Variants in RPS6KC1 observed in about 807,000 individuals in gnomAD.
The protein encoded by RPS6KC1 is inactive ribosomal protein S6 kinase delta-1.
RPS6KC1 carries 54 observed loss-of-function variants against 103.8 expected under a neutral mutation model. The ratio of observed to expected loss-of-function variants is 0.52; its 90% CI spans 0.42 to 0.65. The LOEUF (loss-of-function observed/expected upper bound fraction) is 0.65, where lower values mean the gene tolerates loss of function less well. Among genes scored for constraint, RPS6KC1 ranks in the 30% least tolerant of loss-of-function variants. The pLI, the probability that RPS6KC1 is intolerant of heterozygous loss-of-function variation, is 0.00. For missense variants in RPS6KC1, 1,151 were observed against 1,253.8 expected (o/e 0.92, Z 1.24); for synonymous variants, 439 against 438.7 (o/e 1.00, Z -0.01).
chr1:213,666,549 T>G, the RPS6KC1 span, among the ~76,000 whole-genome samples: 1 of 152,258 alleles, frequency 6.6e-6, no homozygotes, highest in Admixed American at 6.5e-5. Context: ...AATGTTTACT[T>G]ATCTAATTAT....
intron 8 of RPS6KC1, among the ~76,000 whole-genome samples, chr1:213,216,099 C>T (rs1414509612): frequency 6.6e-6 from 1 of 152,148 alleles, no homozygotes; most frequent in Non-Finnish European, 1.5e-5. Flanking sequence ...GATAAAGAGT[C>T]AAGACCCATC....
chr1:213,788,143 C>G, the RPS6KC1 span, among the ~76,000 whole-genome samples: 1 of 152,100 alleles, frequency 6.6e-6, no homozygotes, highest in Non-Finnish European at 1.5e-5. Context: ...GACTTAACAG[C>G]ACATTGGGGG....
chr1:213,453,253 T>C, the RPS6KC1 span, among the ~76,000 whole-genome samples: 5 of 152,178 alleles, frequency 3.3e-5, no homozygotes, highest in Non-Finnish European at 7.3e-5. Flanking sequence ...TCAGGCACTA[T>C]GCTAGGGACT....
the RPS6KC1 span, among the ~76,000 whole-genome samples, chr1:213,725,567 C>T: frequency 6.6e-6 from 1 of 152,174 alleles, no homozygotes; most frequent in Non-Finnish European, 1.5e-5. Context: ...GCTTCAACCA[C>T]AGAAATCCAG....
At chr1:213,162,579 G>A (rs938126042) in intron 6 of RPS6KC1, among the ~76,000 whole-genome samples, 8 of 152,102 alleles carry the variant, frequency 5.3e-5, no homozygotes, top group African/African-American at 1.7e-4. Flanking sequence ...CACCATACTT[G>A]GCCAGCAATG....
At chr1:213,376,716 T>G in the RPS6KC1 span, among the ~76,000 whole-genome samples, 1 of 152,144 alleles carries the variant, frequency 6.6e-6, no homozygotes, top group South Asian at 2.1e-4. Context: ...CCCCTGGGGC[T>G]CCAGGTTTGC....
the RPS6KC1 span, among the ~76,000 whole-genome samples, chr1:213,376,084 C>CTG: frequency 0.077 from 10,781 of 140,182 alleles, 405 homozygotes; most frequent in East Asian, 0.093. Context: ...CTCGTGACAA[C>CTG]TGTGTGTGTG....
the RPS6KC1 span, among the ~76,000 whole-genome samples, chr1:213,414,490 T>C: frequency 6.6e-6 from 1 of 151,934 alleles, no homozygotes; most frequent in Non-Finnish European, 1.5e-5. Flanking sequence ...GAGGCAGAGA[T>C]TGGGGTGATG....
chr1:213,082,191 C>T (rs1040439274), intron 3 of RPS6KC1, among the ~76,000 whole-genome samples: 3 of 151,810 alleles, frequency 2.0e-5, no homozygotes, highest in Admixed American at 2.0e-4. Flanking sequence ...GAGGCGTAGT[C>T]GGGCAGATCA....
At chr1:213,600,808 C>G in the RPS6KC1 span, among the ~76,000 whole-genome samples, 1 of 152,196 alleles carries the variant, frequency 6.6e-6, no homozygotes, top group African/African-American at 2.4e-5. Flanking sequence ...ATGCAATAGT[C>G]TCAAATGTAA....
the RPS6KC1 span, among the ~76,000 whole-genome samples, chr1:213,858,698 T>C: frequency 6.6e-6 from 1 of 152,200 alleles, no homozygotes; most frequent in South Asian, 2.1e-4. Flanking sequence ...ACTATGGCAT[T>C]TGGCAGTGGC....
At chr1:213,646,882 C>CATATATATATAT in the RPS6KC1 span, among the ~76,000 whole-genome samples, 164 of 147,134 alleles carry the variant, frequency 1.1e-3, no homozygotes, top group African/African-American at 2.0e-3. Context: ...TGTGTGTATG[C>CATATATATATAT]ATATATATAT....
At chr1:213,595,553 A>G in the RPS6KC1 span, among the ~76,000 whole-genome samples, 1 of 152,168 alleles carries the variant, frequency 6.6e-6, no homozygotes, top group Non-Finnish European at 1.5e-5. Flanking sequence ...CCCCTTCCTG[A>G]CCACGGATGG....
At chr1:213,569,941 T>C in the RPS6KC1 span, among the ~76,000 whole-genome samples, 5 of 152,196 alleles carry the variant, frequency 3.3e-5, no homozygotes, top group Non-Finnish European at 5.9e-5. Flanking sequence ...TTAATTGAAG[T>C]CATTGTGCTC....
intron 1 of RPS6KC1, among the ~76,000 whole-genome samples, chr1:213,051,933 G>A (rs2076982364): frequency 6.6e-6 from 1 of 152,136 alleles, no homozygotes; most frequent in African/African-American, 2.4e-5. Context: ...CCTTTATCAG[G>A]TTTGCTGTGA....
At chr1:213,394,046 G>A in the RPS6KC1 span, among the ~76,000 whole-genome samples, 1 of 152,158 alleles carries the variant, frequency 6.6e-6, no homozygotes, top group Non-Finnish European at 1.5e-5. Flanking sequence ...CCGTGGACAG[G>A]TTGGCTGTGA....
chr1:213,545,125 G>A, the RPS6KC1 span, among the ~76,000 whole-genome samples: 1 of 152,096 alleles, frequency 6.6e-6, no homozygotes, highest in Non-Finnish European at 1.5e-5. Flanking sequence ...CAGCACTTTG[G>A]GAGACTGAGG....
At chr1:213,705,362 C>T in the RPS6KC1 span, among the ~76,000 whole-genome samples, 1 of 152,232 alleles carries the variant, frequency 6.6e-6, no homozygotes, top group Non-Finnish European at 1.5e-5. Flanking sequence ...TCTTCCATCC[C>T]CTTTCCAAAG....
At chr1:213,152,218 C>A (rs2089186733) in intron 6 of RPS6KC1, among the ~76,000 whole-genome samples, 2 of 140,970 alleles carry the variant, frequency 1.4e-5, no homozygotes, top group African/African-American at 2.7e-5. Flanking sequence ...GGGCGGCTGG[C>A]CGGGCGGGGG....
Sources: gnomAD v4.1 joint callset for allele counts (sites outside exome capture counted in the v4.1 genomes callset) on GRCh38, gnomAD v4.1.1 for gene constraint, MANE v1.5 for transcripts, NCBI Gene and HGNC (gene_info 2026-07-23, HGNC 2026-07-21) for gene names.